The following SHLD2 variants were observed in gnomAD, a reference collection of about 807,000 sequenced individuals.
The protein encoded by SHLD2 is RINN1-REV7-interacting novel NHEJ regulator 2.
Under a neutral mutation model 73.2 loss-of-function variants are expected in SHLD2, and 30 were observed. The observed-to-expected ratio is 0.41, with a 90% CI of 0.31 to 0.56. The LOEUF (loss-of-function observed/expected upper bound fraction) is 0.56. SHLD2 is among the 20% of genes least tolerant of loss of function. The pLI, the probability that SHLD2 is intolerant of heterozygous loss-of-function variation, is 0.28. For missense variants in SHLD2, 745 were observed against 1,055.9 expected, an observed-to-expected ratio of 0.71 and a Z score of 4.08; for synonymous variants, 285 against 370.1, an observed-to-expected ratio of 0.77 and a Z score of 2.64.
intron 2 of SHLD2, among the ~76,000 whole-genome samples, chr10:87,120,228 G>GTATTTATTTATTTATT (rs10623819): frequency 2.8e-4 from 40 of 145,336 alleles, no homozygotes; most frequent in African/African-American, 7.3e-4. Context: ...AAGTGTTGAG[G>GTATTTATTTATTTATT]TATTTATTTA....
At chr10:87,154,340 A>G (rs1846228329) in intron 3 of SHLD2, 1 of 151,526 alleles carries the variant, frequency 6.6e-6, no homozygotes, top group African/African-American at 2.4e-5. Flanking sequence ...AGTAGCCAGG[A>G]CTACAGGCAC....
At chr10:87,155,701 A>G (rs1846368604) in intron 3 of SHLD2, among the ~76,000 whole-genome samples, 1 of 151,764 alleles carries the variant, frequency 6.6e-6, no homozygotes, top group South Asian at 2.1e-4. Context: ...CCTTTTTCCT[A>G]GGTAGGTGTA....
chr10:87,173,082 A>G (rs1651369178), intron 6 of SHLD2, among the ~76,000 whole-genome samples: 1 of 147,434 alleles, frequency 6.8e-6, no homozygotes, highest in East Asian at 2.0e-4. Context: ...CTTGTCACCC[A>G]GGCTGGAATG....
intron 3 of SHLD2, among the ~76,000 whole-genome samples, chr10:87,157,298 T>TTA (rs2134384785): frequency 6.6e-6 from 1 of 152,344 alleles, no homozygotes; most frequent in African/African-American, 2.4e-5. Flanking sequence ...CTTGGTTTTC[T>TTA]TTCCTATTAT....
At chr10:87,106,864 T>C (rs1034967046) in intron 2 of SHLD2, among the ~76,000 whole-genome samples, 2 of 152,142 alleles carry the variant, frequency 1.3e-5, no homozygotes, top group South Asian at 4.1e-4. Flanking sequence ...GACAGTTTCA[T>C]TGGATTCTCT....
chr10:87,156,360 C>T (rs1388311590), intron 3 of SHLD2, among the ~76,000 whole-genome samples: 5 of 152,100 alleles, frequency 3.3e-5, no homozygotes, highest in Non-Finnish European at 7.4e-5. Context: ...CCATCGCGCC[C>T]GGCCCAAACT....
At chr10:87,163,863 C>T (rs1282592103) in intron 4 of SHLD2, among the ~76,000 whole-genome samples, 9 of 151,656 alleles carry the variant, frequency 5.9e-5, no homozygotes, top group Admixed American at 6.6e-5. Flanking sequence ...GTCCATTGAG[C>T]GAGCACAGCA....
At position 87,147,273 on chromosome 10, in the gene SHLD2, A is replaced by G. The variant is rs181387243; in HGVS notation, c.-5-4077A>G. On this transcript the variant is annotated intron_variant, in intron 2 of 9. Coordinates refer to ENST00000298786, the MANE Select transcript of SHLD2 (RefSeq NM_001330112.2). ...GGCTCAGTATAGATATGTAAAGCAC[A>G]GTTGGATATGTGGTAGTTATATGAA... Among the ~76,000 whole-genome samples, 12 of 152,228 alleles carry G rather than the reference A, an allele frequency of 7.9e-5. No homozygotes were observed. In the East Asian group the frequency reaches 2.3e-3, roughly 29 times the overall value.
chr10:87,154,523 G>A (rs552663682), intron 3 of SHLD2, among the ~76,000 whole-genome samples: 2 of 151,986 alleles, frequency 1.3e-5, no homozygotes, highest in East Asian at 3.9e-4. Context: ...TGAGATTACA[G>A]GTGTAAGCCA....
intron 4 of SHLD2, among the ~76,000 whole-genome samples, chr10:87,159,241 C>G (rs566581266): frequency 2.0e-5 from 3 of 152,210 alleles, no homozygotes; most frequent in East Asian, 3.9e-4. Flanking sequence ...ATTAGAATAA[C>G]AAGAACTGTG....
chr10:87,138,386 A>AG (rs1411033130), intron 2 of SHLD2, among the ~76,000 whole-genome samples: 5 of 151,988 alleles, frequency 3.3e-5, no homozygotes, highest in Admixed American at 1.3e-4. Flanking sequence ...AAAAAAAAAA[A>AG]CAACCTGTTA....
intron 2 of SHLD2, among the ~76,000 whole-genome samples, chr10:87,143,862 C>CT (rs61651864): frequency 0.087 from 9,153 of 104,644 alleles, 632 homozygotes; most frequent in African/African-American, 0.18. Context: ...TTTATTCTTT[C>CT]TTTTTTTTTT....
In SHLD2 at chr10:87,151,556, A is replaced by G. The variant is rs1210871678; in HGVS notation, c.202A>G (p.Ile68Val). ...TGAAAACTATAAAGTCCCAGAATCT[A>G]TTGGTTCTCCAGATCTTAGTGGTCA... The part of the protein sequence containing the change: ...NLENYKVPES[I>V]GSPDLSGHFL... Residue 68 changes from isoleucine to valine, a missense_variant, in exon 3 of 10, where the codon ATT becomes GTT. By Grantham distance (29) the Ile-to-Val change is conservative. Coordinates refer to ENST00000298786, the MANE Select transcript of SHLD2 (RefSeq NM_001330112.2). 9.3e-6 allele frequency: 15 copies of G among 1,611,356 alleles called. No homozygotes were observed. Among genetic ancestry groups the G allele is most frequent in the South Asian group, 2.2e-5 (2 of 90,926 alleles).
chr10:87,113,324 CA>C (rs1166213586), intron 2 of SHLD2, among the ~76,000 whole-genome samples: 3 of 152,022 alleles, frequency 2.0e-5, no homozygotes, highest in Non-Finnish European at 4.4e-5. Flanking sequence ...AACTTTGTCT[CA>C]AAAAACAAAA....
rs535110579 is a variant in SHLD2 at position 87,165,028 on chromosome 10, A to G, written c.1634-5450A>G. On this transcript the variant is annotated intron_variant, in intron 4 of 9. Coordinates refer to ENST00000298786, the MANE Select transcript of SHLD2 (RefSeq NM_001330112.2). The stretch of plus-strand genomic sequence containing the variant: ...ATGGCAAAACCCCGTCTCTACAAAA[A>G]ATAGAAAAATTAACCAGGTTTGGAG... 3.9e-5 allele frequency among the ~76,000 whole-genome samples: 6 copies of G among 152,216 alleles called. No individual in the cohort carries two copies. The South Asian group carries it at 1.2e-3, about 32-fold the overall frequency.
intron 2 of SHLD2, among the ~76,000 whole-genome samples, chr10:87,105,622 A>C (rs1384416157): frequency 6.6e-6 from 1 of 152,246 alleles, no homozygotes; most frequent in Non-Finnish European, 1.5e-5. Flanking sequence ...TTCCATTGAC[A>C]GTCCAAGGAC....
chr10:87,127,136 T>C, intron 2 of SHLD2, among the ~76,000 whole-genome samples: 1 of 151,902 alleles, frequency 6.6e-6, no homozygotes, highest in East Asian at 1.9e-4. Context: ...CCTTTGTTTA[T>C]TGCCTGGGAT....
chr10:87,111,289 A>G (rs1842904447), intron 2 of SHLD2, among the ~76,000 whole-genome samples: 1 of 152,042 alleles, frequency 6.6e-6, no homozygotes, highest in Non-Finnish European at 1.5e-5. Context: ...CAGCCTTCTG[A>G]GTAGCTGGGA....
chr10:87,170,635 C>T lies in SHLD2; in HGVS notation c.1791C>T (p.His597=), dbSNP rs147849599. 0.012 allele frequency: 19,715 copies of T among 1,611,686 alleles called. 145 individuals are homozygous for T. Among genetic ancestry groups the T allele is most frequent in the Non-Finnish European group, 0.014 (16,593 of 1,179,166 alleles). ...LEHLQPDVLV[H]AVLRVVDFTI... is the part of the protein sequence containing the mutation. Reference sequence around the variant, plus strand: ...ACCTTCAACCTGATGTATTAGTCCACGCAGTACTAAGAGTTGTTGATTTCA... The same window carrying T: ...ACCTTCAACCTGATGTATTAGTCCATGCAGTACTAAGAGTTGTTGATTTCA... Residue 597 remains histidine (H), a synonymous_variant, in exon 5 of 10, where the codon CAC becomes CAT. Coordinates refer to ENST00000298786, the MANE Select transcript of SHLD2 (RefSeq NM_001330112.2).
Sources: gnomAD v4.1 joint callset for allele counts (sites outside exome capture counted in the v4.1 genomes callset) on GRCh38, gnomAD v4.1.1 for gene constraint, MANE v1.5 for transcripts, NCBI Gene and HGNC (gene_info 2026-07-23, HGNC 2026-07-21) for gene names.